Variants in MCMBP observed in about 807,000 individuals in gnomAD.
MCMBP encodes the protein minichromosome maintenance complex binding protein.
In MCMBP, 31 loss-of-function variants were observed where a neutral mutation model predicts 81.3. The ratio of observed to expected loss-of-function variants is 0.38; its 90% CI spans 0.29 to 0.51. The LOEUF (loss-of-function observed/expected upper bound fraction) is 0.51. MCMBP is among the 20% of genes least tolerant of loss of function. The probability of loss-of-function intolerance (pLI) is 0.87; values close to 1 mark genes in which losing one functional copy is unlikely to be tolerated. For missense variants in MCMBP, 645 were observed against 772.1 expected (o/e 0.84, Z 1.95); for synonymous variants, 267 against 275.9 (o/e 0.97, Z 0.32).
intron 1 of MCMBP, among the ~76,000 whole-genome samples, chr10:119,870,431 T>G (rs1366890893): frequency 1.3e-5 from 2 of 151,028 alleles, no homozygotes; most frequent in Non-Finnish European, 2.9e-5. Flanking sequence ...TGGGTGACAG[T>G]GCGAGACTGT....
chr10:119,838,237 T>A (rs1318003578), intron 12 of MCMBP, among the ~76,000 whole-genome samples: 1 of 147,992 alleles, frequency 6.8e-6, no homozygotes, highest in Non-Finnish European at 1.5e-5. Flanking sequence ...ATAAAATATA[T>A]AATATATGAT....
rs1284100421 is a variant in MCMBP, at chr10:119,850,874, G to GTTTTTTTTTTTTTTTTTTTT, written c.575-1299_575-1298insAAAAAAAAAAAAAAAAAAAA. Among the ~76,000 whole-genome samples, 48 of 130,538 alleles carry GTTTTTTTTTTTTTTTTTTTT rather than the reference G, an allele frequency of 3.7e-4. 2 individuals carry two copies. The highest frequency in any genetic ancestry group is 5.1e-4 in the Non-Finnish European group (31 of 60,718). 85.6% of individuals were successfully genotyped at this position (130,538 alleles called of 152,430 possible). ...AGAGGCTAAAAGGTATACAAGATCT[G>GTTTTTTTTTTTTTTTTTTTT]TTTTTTTTTTTTTTTTTTGAGACAG... On this transcript the variant is annotated intron_variant, in intron 6 of 15. Coordinates refer to ENST00000369077, the MANE Select transcript of MCMBP (RefSeq NM_001256378.2).
chr10:119,854,672 G>C (rs2134380852), intron 5 of MCMBP, among the ~76,000 whole-genome samples: 1 of 151,794 alleles, frequency 6.6e-6, no homozygotes, highest in African/African-American at 2.4e-5. Flanking sequence ...AAAAATAATT[G>C]CTGGCCGGGC....
intron 14 of MCMBP, 83 bp downstream of exon 14, chr10:119,835,457 C>A: frequency 4.2e-6 from 5 of 1,177,620 alleles, no homozygotes; most frequent in South Asian, 1.6e-5. Flanking sequence ...ACAAAATTAC[C>A]TTATCAGTAA....
intron 9 of MCMBP, 135 bp downstream of exon 9, chr10:119,843,119 G>C (rs1314012133): frequency 1.0e-6 from 1 of 973,694 alleles, no homozygotes; most frequent in Non-Finnish European, 1.6e-6. Flanking sequence ...GGCAACGAGA[G>C]AGAGATTACT....
intron 12 of MCMBP, among the ~76,000 whole-genome samples, chr10:119,838,256 A>C (rs938536960): frequency 1.3e-5 from 2 of 148,184 alleles, no homozygotes; most frequent in African/African-American, 4.9e-5. Flanking sequence ...ATATATATTA[A>C]ATGAGACATT....
intron 10 of MCMBP, 78 bp downstream of exon 10, chr10:119,842,394 T>G: frequency 6.7e-7 from 1 of 1,499,600 alleles, no homozygotes; most frequent in Non-Finnish European, 9.0e-7. Context: ...AACACACAAA[T>G]GACACCAGCA....
intron 8 of MCMBP, among the ~76,000 whole-genome samples, chr10:119,846,879 A>T (rs1339697391): frequency 1.3e-5 from 2 of 151,966 alleles, no homozygotes; most frequent in Non-Finnish European, 2.9e-5. Flanking sequence ...CAGCCTCCAG[A>T]ACTACTGGAA....
At chr10:119,833,196 C>T (rs955439511) in intron 14 of MCMBP, among the ~76,000 whole-genome samples, 43 of 152,110 alleles carry the variant, frequency 2.8e-4, no homozygotes, top group African/African-American at 9.2e-4. Flanking sequence ...CTTCAGTGCC[C>T]ACATGTGACA....
rs184086555 is a variant in MCMBP, at chr10:119,838,073, T to C, written c.1408+462A>G. 2.1e-3 allele frequency among the ~76,000 whole-genome samples: 315 copies of C among 151,860 alleles called. 1 individual carries two copies. The highest frequency in any genetic ancestry group is 3.5e-3 in the Non-Finnish European group (239 of 67,926). ...ACAACTACGCAAAAGAACCCAACAC[T>C]GTAGGCCCATAAAGACTGCTCCAAC... On this transcript the variant is annotated intron_variant, in intron 12 of 15. Coordinates refer to ENST00000369077, the MANE Select transcript of MCMBP (RefSeq NM_001256378.2).
intron 14 of MCMBP, among the ~76,000 whole-genome samples, chr10:119,833,951 T>C (rs941559537): frequency 3.9e-5 from 6 of 152,122 alleles, no homozygotes; most frequent in Non-Finnish European, 5.9e-5. Context: ...TTGAAAAATA[T>C]AGTAAAAATT....
rs75983091 is a variant in MCMBP at position 119,840,477 on chromosome 10, A to C, written c.1242+366T>G. Among the ~76,000 whole-genome samples, 348 of 152,338 alleles carry C rather than the reference A, an allele frequency of 2.3e-3. 3 individuals carry two copies. In the East Asian group the frequency reaches 0.038, roughly 17 times the overall value. ...AATTAAAATTGAGGCAATGGAGATA[A>C]AGAACTTTATTACCTCAACTAAAAG... On this transcript the variant is annotated intron_variant, in intron 11 of 15. Transcript: ENST00000369077.
At position 119,842,345 on chromosome 10, in the gene MCMBP, T is replaced by C. The variant is rs1852461710; in HGVS notation, c.1124+127A>G. ...TGTGATTTGGTATAACAGTTAACAC[T>C]GGACAGATAAAAACCATGTGATGAA... On this transcript the variant is annotated intron_variant, in intron 10 of 15. Coordinates refer to ENST00000369077, the MANE Select transcript of MCMBP (RefSeq NM_001256378.2). 3.8e-6 allele frequency: 4 copies of C among 1,053,706 alleles called. No homozygotes were observed. The South Asian group carries it at 4.8e-5, about 13-fold the overall frequency. The allele number at this position is 1,053,706 out of a possible 1,614,324, so 65.3% of individuals were successfully genotyped here.
At chr10:119,841,629 A>G (rs936741679) in intron 10 of MCMBP, among the ~76,000 whole-genome samples, 1 of 152,268 alleles carries the variant, frequency 6.6e-6, no homozygotes, top group African/African-American at 2.4e-5. Flanking sequence ...ATACATATGT[A>G]AACAAAAACC....
chr10:119,869,311 C>T (rs193206018), intron 1 of MCMBP, among the ~76,000 whole-genome samples: 1,634 of 152,316 alleles, frequency 0.011, 14 homozygotes, highest in Admixed American at 0.02. Flanking sequence ...TGGTGGCTCA[C>T]GCCTACAATC....
intron 8 of MCMBP, among the ~76,000 whole-genome samples, 154 bp downstream of exon 8, chr10:119,847,459 A>G (rs1054509747): frequency 5.3e-5 from 8 of 152,230 alleles, no homozygotes; most frequent in Non-Finnish European, 1.5e-5. Flanking sequence ...AGAGAGCACA[A>G]ATGAATGACA....
At chr10:119,839,820 A>G (rs1298953194) in intron 11 of MCMBP, among the ~76,000 whole-genome samples, 1 of 152,238 alleles carries the variant, frequency 6.6e-6, no homozygotes, top group Non-Finnish European at 1.5e-5. Context: ...AGTTATCTGC[A>G]AAGGCTATCG....
Position 119,835,572 on chromosome 10 carries a change from A to C in MCMBP, c.1675T>G (p.Leu559Val), listed in dbSNP as rs761766914. 6.2e-7 allele frequency: 1 copy of C among 1,614,176 alleles called. No individual in the cohort carries two copies. Residue 559 changes from leucine to valine, a missense_variant, in exon 14 of 16, where the codon TTG becomes GTG. By Grantham distance (32) the Leu-to-Val change is conservative (BLOSUM62 1). Coordinates refer to ENST00000369077, the MANE Select transcript of MCMBP (RefSeq NM_001256378.2). The stretch of plus-strand genomic sequence containing the variant: ...ATTTCATCAGATATGCTATATTCCA[A>C]GAATCTCAAAAGAGTTAGATAAATG... Reference protein sequence around the residue: ...FRIYLTLLRFLEYSISDEITK... With the variant: ...FRIYLTLLRFVEYSISDEITK...
intron 8 of MCMBP, among the ~76,000 whole-genome samples, chr10:119,846,730 G>GT (rs1273931707): frequency 2.0e-5 from 3 of 152,108 alleles, no homozygotes; most frequent in Non-Finnish European, 4.4e-5. Flanking sequence ...GAGGAAACAA[G>GT]TAACTGGTAA....
Sources: allele counts gnomAD v4.1 joint callset (sites outside exome capture counted in the v4.1 genomes callset), GRCh38; gene constraint gnomAD v4.1.1; transcripts MANE v1.5; gene names NCBI Gene and HGNC (gene_info 2026-07-23, HGNC 2026-07-21).